The following SLIT2 variants were observed in gnomAD, a reference collection of about 807,000 sequenced individuals.
SLIT2 encodes slit guidance ligand 2, also known as slit homolog 2 protein.
SLIT2 carries 41 observed loss-of-function variants against 185.7 expected under a neutral mutation model. That is an observed-to-expected ratio of 0.22 (90% CI 0.17 to 0.29). The LOEUF (loss-of-function observed/expected upper bound fraction) is 0.29. Among genes scored for constraint, SLIT2 ranks in the 10% least tolerant of loss-of-function variants. The pLI is 1.00. For synonymous variants in SLIT2, 693 were observed against 680.2 expected, an observed-to-expected ratio of 1.02 and a Z score of -0.29; for missense variants, 1,571 against 1,909.0, an observed-to-expected ratio of 0.82 and a Z score of 3.30.
At chr4:20,349,144 A>C (rs1427757051) in intron 4 of SLIT2, among the ~76,000 whole-genome samples, 1 of 152,194 alleles carries the variant, frequency 6.6e-6, no homozygotes, top group Non-Finnish European at 1.5e-5. Context: ...AGAGGTTTCC[A>C]TACTTTCTTG....
At chr4:20,531,113 A>G (rs900642608) in intron 16 of SLIT2, among the ~76,000 whole-genome samples, 3 of 152,260 alleles carry the variant, frequency 2.0e-5, no homozygotes, top group Admixed American at 1.3e-4. Context: ...TGATCCAGCA[A>G]TGCCCCTCCT....
At chr4:20,384,204 G>T (rs1724758963) in intron 4 of SLIT2, among the ~76,000 whole-genome samples, 1 of 151,914 alleles carries the variant, frequency 6.6e-6, no homozygotes, top group Non-Finnish European at 1.5e-5. Flanking sequence ...ATACTGCTCA[G>T]CAATTAATAA....
At chr4:20,580,207 C>T (rs375933223) in intron 29 of SLIT2, among the ~76,000 whole-genome samples, 1 of 150,772 alleles carries the variant, frequency 6.6e-6, no homozygotes, top group African/African-American at 2.4e-5. Context: ...ATTACAGATG[C>T]GCACCACCAT....
At position 20,253,868 on chromosome 4, in the gene SLIT2, C is replaced by T. The variant is rs1276624926; in HGVS notation, c.53C>T (p.Ala18Val). Residue 18 changes from alanine (A) to valine (V), a missense_variant, in exon 1 of 37, where the codon GCG becomes GTG. Physicochemically the swap from Ala to Val is moderately conservative, Grantham distance 64 (BLOSUM62 0). Coordinates refer to ENST00000504154, the MANE Select transcript of SLIT2 (RefSeq NM_004787.4). ...TCCCTGTCGCTGGGGTTAGTGCTGG[C>T]GATCCTGAACAAGGTGGCACCGCAG... is the stretch of plus-strand genomic sequence containing the variant. ...MLSLSLGLVLAILNKVAPQAC... is the reference protein window; with the variant it reads ...MLSLSLGLVLVILNKVAPQAC... The T allele has an allele frequency of 6.2e-7, 1 of 1,600,848 alleles. No homozygotes were observed. Among genetic ancestry groups the T allele is most frequent in the Non-Finnish European group, 8.5e-7 (1 of 1,179,892 alleles).
intron 16 of SLIT2, among the ~76,000 whole-genome samples, chr4:20,529,503 A>G (rs1040549701): frequency 3.9e-5 from 6 of 152,208 alleles, no homozygotes; most frequent in African/African-American, 1.4e-4. Flanking sequence ...CTATCAATAG[A>G]TTCAAGGAGT....
At chr4:20,262,495 A>C (rs150040654) in intron 3 of SLIT2, among the ~76,000 whole-genome samples, 1,989 of 152,012 alleles carry the variant, frequency 0.013, 21 homozygotes, top group Non-Finnish European at 0.017. Flanking sequence ...AACACATAAC[A>C]CATACCTTTT....
chr4:20,421,801 C>T (rs548246808), intron 4 of SLIT2, among the ~76,000 whole-genome samples: 19 of 152,284 alleles, frequency 1.2e-4, no homozygotes, highest in Middle Eastern at 3.4e-3. Flanking sequence ...CAATTCTTAA[C>T]GGAATGTTTT....
intron 4 of SLIT2, among the ~76,000 whole-genome samples, chr4:20,305,848 G>C (rs1181454156): frequency 2.0e-5 from 3 of 149,360 alleles, no homozygotes; most frequent in Admixed American, 2.0e-4. Context: ...ACTCTGGCCT[G>C]GGTGACAGAG....
chr4:20,612,833 G>A (rs1729330792), intron 34 of SLIT2, among the ~76,000 whole-genome samples: 1 of 149,556 alleles, frequency 6.7e-6, no homozygotes, highest in Non-Finnish European at 1.5e-5. Flanking sequence ...CAGGAGAATG[G>A]CATGAACCCA....
intron 4 of SLIT2, among the ~76,000 whole-genome samples, chr4:20,347,724 C>T (rs925969631): frequency 2.6e-5 from 4 of 152,114 alleles, no homozygotes; most frequent in Non-Finnish European, 5.9e-5. Flanking sequence ...ACTGAGAAGG[C>T]GAGAGAGCAG....
intron 16 of SLIT2, among the ~76,000 whole-genome samples, chr4:20,531,142 C>T (rs548866311): frequency 2.0e-5 from 3 of 152,062 alleles, no homozygotes; most frequent in East Asian, 1.9e-4. Context: ...GTCCAAAAAA[C>T]GACAACATAT....
At chr4:20,564,613 G>T (rs1481608937) in intron 26 of SLIT2, among the ~76,000 whole-genome samples, 1 of 151,864 alleles carries the variant, frequency 6.6e-6, no homozygotes, top group Non-Finnish European at 1.5e-5. Context: ...CAAATAGAAT[G>T]ATAGCTAACT....
chr4:20,310,253 C>T (rs1043195595), intron 4 of SLIT2, among the ~76,000 whole-genome samples: 1 of 152,184 alleles, frequency 6.6e-6, no homozygotes, highest in African/African-American at 2.4e-5. Context: ...CCACGAGCTG[C>T]CAACACTAGA....
intron 18 of SLIT2, among the ~76,000 whole-genome samples, chr4:20,534,345 T>C (rs1722080241): frequency 6.6e-6 from 1 of 152,194 alleles, no homozygotes; most frequent in African/African-American, 2.4e-5. Context: ...GAGTTATGTC[T>C]ACTTGCTCAG....
chr4:20,553,757 A>T (rs6851611), intron 25 of SLIT2, 48 bp from the exon 26 acceptor site: 1 of 1,163,464 alleles, frequency 8.6e-7, no homozygotes, highest in Non-Finnish European at 1.1e-6. Context: ...GTGTGTGTGT[A>T]TGTGTGTGTG....
chr4:20,491,707 C>T, intron 8 of SLIT2, 54 bp from the exon 9 acceptor site: 1 of 1,514,538 alleles, frequency 6.6e-7, no homozygotes. Flanking sequence ...TTGTCTGTTT[C>T]ACAATTATGA....
rs186711324 is a variant in SLIT2, at chr4:20,281,093, A to G, written c.395+12212A>G. On this transcript the variant is annotated intron_variant, in intron 4 of 36. Coordinates refer to ENST00000504154, the MANE Select transcript of SLIT2 (RefSeq NM_004787.4). ...GGTGATCCGCCCGCCTCGGCCTCCC[A>G]AAGTGCTGGGATTACAGGCGTGAGC... Among the ~76,000 whole-genome samples the G allele has an allele frequency of 5.6e-4, 85 of 152,286 alleles. No homozygotes were observed. In the East Asian group the frequency reaches 0.015, roughly 27 times the overall value.
intron 4 of SLIT2, among the ~76,000 whole-genome samples, chr4:20,425,348 T>TA (rs1471136786): frequency 3.9e-5 from 6 of 152,106 alleles, no homozygotes; most frequent in African/African-American, 1.4e-4. Context: ...GCCTGGGAGA[T>TA]AGAGCGAGAC....
At chr4:20,396,321 GA>G (rs1725885956) in intron 4 of SLIT2, among the ~76,000 whole-genome samples, 1 of 151,758 alleles carries the variant, frequency 6.6e-6, no homozygotes, top group Non-Finnish European at 1.5e-5. Flanking sequence ...AGGCACAAAT[GA>G]AAATAAAGAA....
Sources: gnomAD v4.1 joint callset for allele counts (sites outside exome capture counted in the v4.1 genomes callset) on GRCh38, gnomAD v4.1.1 for gene constraint, MANE v1.5 for transcripts, NCBI Gene and HGNC (gene_info 2026-07-23, HGNC 2026-07-21) for gene names.